The following TBR1 variants were observed in gnomAD, a reference collection of about 807,000 sequenced individuals.
TBR1 encodes the protein T-box brain transcription factor 1.
TBR1 carries 7 observed loss-of-function variants against 60.3 expected under a neutral mutation model. The observed-to-expected ratio is 0.12, with a 90% CI of 0.07 to 0.22. The LOEUF (loss-of-function observed/expected upper bound fraction) is 0.22. Ranked by LOEUF, TBR1 falls within the 10% of genes least tolerant of loss-of-function variation. The probability of loss-of-function intolerance (pLI) is 1.00; values close to 1 mark genes in which losing one functional copy is unlikely to be tolerated. For synonymous variants in TBR1, 417 were observed against 409.9 expected, an observed-to-expected ratio of 1.02 and a Z score of -0.21; for missense variants, 616 against 936.8, an observed-to-expected ratio of 0.66 and a Z score of 4.47.
chr2:161,418,224 G>T lies in TBR1; in HGVS notation c.871G>T (p.Asp291Tyr), dbSNP rs749173480. ...AGGAAATCGGGTCTATATGCATCCG[G>T]ATTCCCCCAACACTGGGGCTCACTG... ...VQGNRVYMHP[D>Y]SPNTGAHWMR... Residue 291 changes from aspartate (D) to tyrosine (Y), a missense_variant, in exon 3 of 6, where the codon GAT (aspartate) becomes TAT (tyrosine). Coordinates refer to ENST00000389554, the MANE Select transcript of TBR1 (RefSeq NM_006593.4). 1 of 1,613,626 alleles carries T rather than the reference G, an allele frequency of 6.2e-7. No homozygotes were observed.
intron 4 of TBR1, 152 bp downstream of exon 4, chr2:161,419,202 G>A (rs1684185829): frequency 9.0e-7 from 1 of 1,116,214 alleles, no homozygotes; most frequent in African/African-American, 1.6e-5. Context: ...AGGGCTCGGG[G>A]CCTGCCCACG....
intron 5 of TBR1, 190 bp downstream of exon 5, chr2:161,420,447 GC>G (rs770358574): frequency 1.1e-4 from 23 of 206,664 alleles, no homozygotes; most frequent in Non-Finnish European, 1.7e-4. Context: ...TTTTTGGTTG[GC>G]TCCCCTTCTC....
intron 5 of TBR1, chr2:161,422,830 G>T (rs1684254077): frequency 6.6e-6 from 1 of 152,074 alleles, no homozygotes; most frequent in Non-Finnish European, 1.5e-5. Flanking sequence ...TTTTCCTAGG[G>T]GTTTCTGAAA....
Position 161,424,277 on chromosome 2 carries a change from C to A in TBR1, c.*50C>A. ...CCGCGGCCCGGACCCCCAGCCAGCCCCTCACAGCTCTTCCCCAGCTCCGCC... is the reference window on the plus strand; with the variant it reads ...CCGCGGCCCGGACCCCCAGCCAGCCACTCACAGCTCTTCCCCAGCTCCGCC... On this transcript the variant is annotated 3_prime_UTR_variant, in exon 6 of 6. Transcript: ENST00000389554. This position sits in a 1 kb window ranked among gnomAD's most constrained non-coding sequence, Gnocchi z 4.4. 1 of 1,492,338 alleles carries A rather than the reference C, an allele frequency of 6.7e-7. No homozygotes were observed. Among genetic ancestry groups the A allele is most frequent in the Non-Finnish European group, 9.0e-7 (1 of 1,112,586 alleles). The allele number at this position is 1,492,338 out of a possible 1,614,324, so 92.4% of individuals were successfully genotyped here.
rs983035174 is a variant in TBR1, at chr2:161,417,262, C to T, written c.692+160C>T. Reference sequence around the variant, plus strand: ...AAAGGGGGAAAGTGGAAGGGATAACCGCCAGGGTGATGTTGGTGGGGGGGA... The same window carrying T: ...AAAGGGGGAAAGTGGAAGGGATAACTGCCAGGGTGATGTTGGTGGGGGGGA... On this transcript the variant is annotated intron_variant, in intron 1 of 5. Transcript: ENST00000389554. This position sits in a 1 kb window ranked among gnomAD's most constrained non-coding sequence, Gnocchi z 5.3. The T allele has an allele frequency of 9.6e-6, 7 of 731,498 alleles. No homozygotes were observed. The highest frequency in any genetic ancestry group is 1.5e-5 in the Non-Finnish European group (7 of 457,732). The allele number at this position is 731,498 out of a possible 1,614,324, so 45.3% of individuals were successfully genotyped here. A position where few individuals can be genotyped will look rare whatever the true frequency, so the allele number is the denominator to read the frequency against.
chr2:161,418,483 C>CCAAA, intron 3 of TBR1, 161 bp downstream of exon 3: 1 of 1,154,368 alleles, frequency 8.7e-7, no homozygotes, highest in Non-Finnish European at 1.2e-6. Context: ...TATATTAAAT[C>CCAAA]TGTAAAGTTG....
Position 161,424,175 on chromosome 2 carries a change from A to T in TBR1, c.1997A>T (p.Lys666Met). ...SEVLAQRDCE[K>M]NCAKDISGYY... is the part of the protein sequence containing the mutation. ...GTGCTGGCCCAGCGGGACTGCGAGA[A>T]GAACTGCGCCAAGGACATTAGCGGC... Residue 666 changes from lysine (K) to methionine (M), a missense_variant, in exon 6 of 6, where the codon AAG becomes ATG. Lys to Met is a moderately conservative substitution (Grantham distance 95). Around this residue, in one of 8 missense-constraint regions of TBR1, gnomAD observed 210 missense variants for 297.4 expected, o/e 0.71. Coordinates refer to ENST00000389554, the MANE Select transcript of TBR1 (RefSeq NM_006593.4). This position sits in a 1 kb window ranked among gnomAD's most constrained non-coding sequence, Gnocchi z 4.4. The T allele has an allele frequency of 6.2e-7, 1 of 1,612,736 alleles. No homozygotes were observed. Among genetic ancestry groups the T allele is most frequent in the South Asian group, 1.1e-5 (1 of 90,764 alleles).
chr2:161,418,563 G>A (rs956179852), intron 3 of TBR1: 2 of 561,356 alleles, frequency 3.6e-6, no homozygotes, highest in Non-Finnish European at 5.9e-6. Context: ...AATACTGATT[G>A]ATTTTGAGAA....
Position 161,417,621 on chromosome 2 carries a change from A to C in TBR1, c.693-55A>C. 1 of 1,573,104 alleles carries C rather than the reference A, an allele frequency of 6.4e-7. No homozygotes were observed. Among genetic ancestry groups the C allele is most frequent in the South Asian group, 1.2e-5 (1 of 83,710 alleles). On this transcript the variant is annotated intron_variant, in intron 1 of 5. Transcript: ENST00000389554. The surrounding 1 kb of genome is among the most constrained non-coding windows in gnomAD (Gnocchi z 5.3). ...GCCCCGCTTCTTGCATTTAATCTTT[A>C]ACATTTATGTTTCTTTTTTCCTTGT...
rs1336375944 is a variant in TBR1, at chr2:161,417,893, C to G, written c.847+63C>G. The G allele has an allele frequency of 1.9e-6, 3 of 1,569,778 alleles. No homozygotes were observed. The highest frequency in any genetic ancestry group is 1.7e-6 in the Non-Finnish European group (2 of 1,156,748). ...TTTAGGTGAGAATGATTAATTAAAGCCTTTGTGGACTGGCTCGAGCGACTT... is the reference window on the plus strand; with the variant it reads ...TTTAGGTGAGAATGATTAATTAAAGGCTTTGTGGACTGGCTCGAGCGACTT... On this transcript the variant is annotated intron_variant, in intron 2 of 5. Coordinates refer to ENST00000389554, the MANE Select transcript of TBR1 (RefSeq NM_006593.4). The surrounding 1 kb of genome is among the most constrained non-coding windows in gnomAD (Gnocchi z 5.3).
At chr2:161,421,484 C>G (rs988468312) in intron 5 of TBR1, 1 of 152,204 alleles carries the variant, frequency 6.6e-6, no homozygotes, top group Non-Finnish European at 1.5e-5. Flanking sequence ...AAAAGGTGTG[C>G]CCAGCACAGT....
chr2:161,423,019 A>C, intron 5 of TBR1: 1 of 214,284 alleles, frequency 4.7e-6, no homozygotes, highest in Non-Finnish European at 9.2e-6. Flanking sequence ...GTGCACACAT[A>C]TGTTGGAGAA....
At chr2:161,418,611 T>C (rs1230753888) in intron 3 of TBR1, 2 of 545,680 alleles carry the variant, frequency 3.7e-6, no homozygotes, top group East Asian at 6.9e-5. Context: ...GAAATCTTTG[T>C]TCCTCCTTAC....
intron 4 of TBR1, 181 bp from the exon 5 acceptor site, chr2:161,420,015 T>C (rs1314299041): frequency 4.4e-6 from 2 of 452,754 alleles, no homozygotes; most frequent in Non-Finnish European, 7.9e-6. Flanking sequence ...CTCATAACTT[T>C]CATGATACTT....
rs1684138879 is a variant in TBR1 at position 161,417,222 on chromosome 2, G to A, written c.692+120G>A. The A allele has an allele frequency of 9.4e-7, 1 of 1,059,852 alleles. No individual in the cohort carries two copies. Among genetic ancestry groups the A allele is most frequent in the East Asian group, 2.6e-5 (1 of 38,218 alleles). 65.7% of individuals were successfully genotyped at this position (1,059,852 alleles called of 1,614,324 possible). ...GGAGCGGAGTGGAAGGCGCCCTAGA[G>A]TTGGCTAGTTTTGGAAAGGGGGAAA... is the stretch of plus-strand genomic sequence containing the variant. On this transcript the variant is annotated intron_variant, in intron 1 of 5. Coordinates refer to ENST00000389554, the MANE Select transcript of TBR1 (RefSeq NM_006593.4). This position sits in a 1 kb window ranked among gnomAD's most constrained non-coding sequence, Gnocchi z 5.3.
Position 161,416,670 on chromosome 2 carries a change from T to C in TBR1, c.260T>C (p.Leu87Ser). ...CAGAGAAGTAAACTCTCTCCTGTCT[T>C]GGACGGGGTCTCTGAGCTTCGTCAC... is the stretch of plus-strand genomic sequence containing the variant. ...DVQRSKLSPV[L>S]DGVSELRHSF... The change falls in exon 1 of 6, where the codon TTG becomes TCG. Residue 87 changes from leucine (L) to serine (S), a missense_variant. Around this residue, in one of 8 missense-constraint regions of TBR1, gnomAD observed 211 missense variants for 268.7 expected, o/e 0.79. Transcript: ENST00000389554. The surrounding 1 kb of genome is among the most constrained non-coding windows in gnomAD (Gnocchi z 6.1). 6.2e-7 allele frequency: 1 copy of C among 1,614,202 alleles called. No homozygotes were observed. The highest frequency in any genetic ancestry group is 8.5e-7 in the Non-Finnish European group (1 of 1,180,032).
chr2:161,420,317 T>G (rs1684207966), intron 5 of TBR1, 60 bp downstream of exon 5: 1 of 1,372,290 alleles, frequency 7.3e-7, no homozygotes, highest in Non-Finnish European at 1.0e-6. Flanking sequence ...AGGTCAAAGG[T>G]GTATTATTAT....
intron 3 of TBR1, 95 bp from the exon 4 acceptor site, chr2:161,418,797 C>T (rs958000425): frequency 1.1e-5 from 16 of 1,492,238 alleles, no homozygotes; most frequent in Non-Finnish European, 1.4e-5. Context: ...AGGCTGCCTC[C>T]GCCGGCCCGG....
Position 161,424,324 on chromosome 2 carries a change from AC to A in TBR1, c.*100del. 2 of 1,321,360 alleles carry A rather than the reference AC, an allele frequency of 1.5e-6. No individual in the cohort carries two copies. The highest frequency in any genetic ancestry group is 2.0e-6 in the Non-Finnish European group (2 of 979,130). The allele number at this position is 1,321,360 out of a possible 1,614,324, so 81.9% of individuals were successfully genotyped here. The stretch of plus-strand genomic sequence containing the variant: ...CGCCTCCCCACACTCCTCCTTGCGC[AC>A]CCACTCATTTTATTTGACCCTCGAT... On this transcript the variant is annotated 3_prime_UTR_variant, in exon 6 of 6. Transcript: ENST00000389554. This position sits in a 1 kb window ranked among gnomAD's most constrained non-coding sequence, Gnocchi z 4.4.
Sources: allele counts gnomAD v4.1 joint callset, GRCh38; gene constraint gnomAD v4.1.1; regional missense constraint gnomAD v4.1.1; non-coding constraint Gnocchi (gnomAD v3.1); transcripts MANE v1.5; gene names NCBI Gene and HGNC (gene_info 2026-07-23, HGNC 2026-07-21).